The following CTTNBP2NL variants were observed in gnomAD, a reference collection of about 807,000 sequenced individuals.
CTTNBP2NL encodes the protein CTTNBP2 N-terminal like.
A neutral mutation model predicts 32.5 loss-of-function variants in CTTNBP2NL; 16 were observed. The observed-to-expected ratio is 0.49, with a 90% CI of 0.33 to 0.75. CTTNBP2NL has a LOEUF of 0.75. CTTNBP2NL is among the 30% of genes least tolerant of loss of function. The pLI, the probability that CTTNBP2NL is intolerant of heterozygous loss-of-function variation, is 0.02. For synonymous variants in CTTNBP2NL, 298 were observed against 289.4 expected (o/e 1.03, Z -0.30); for missense variants, 645 against 756.0 (o/e 0.85, Z 1.72).
At chr1:112,444,633 G>T (rs1649984327) in intron 3 of CTTNBP2NL, among the ~76,000 whole-genome samples, 1 of 152,000 alleles carries the variant, frequency 6.6e-6, no homozygotes, top group African/African-American at 2.4e-5. Flanking sequence ...TGTGTGTGTT[G>T]TTATTGAATT....
chr1:112,440,013 C>G (rs1649851820), intron 3 of CTTNBP2NL, among the ~76,000 whole-genome samples: 1 of 152,178 alleles, frequency 6.6e-6, no homozygotes, highest in African/African-American at 2.4e-5. Flanking sequence ...ACTTGTCTAG[C>G]AAATTTTAAG....
upstream of CTTNBP2NL, among the ~76,000 whole-genome samples, chr1:112,392,826 A>C (rs1648216770): frequency 6.7e-6 from 1 of 148,864 alleles, no homozygotes; most frequent in Admixed American, 6.6e-5. Context: ...CCCCAGAAGG[A>C]GCCAACCTTG....
At chr1:112,430,818 C>T (rs1252382562) in intron 3 of CTTNBP2NL, among the ~76,000 whole-genome samples, 1 of 151,468 alleles carries the variant, frequency 6.6e-6, no homozygotes, top group Non-Finnish European at 1.5e-5. Flanking sequence ...CTCTTGACCT[C>T]GTGATCTGCC....
intron 3 of CTTNBP2NL, among the ~76,000 whole-genome samples, chr1:112,440,124 A>T (rs1198938296): frequency 6.6e-6 from 1 of 152,210 alleles, no homozygotes; most frequent in Non-Finnish European, 1.5e-5. Context: ...AACATTAAGT[A>T]TTCAAACCAT....
chr1:112,423,236 T>C (rs1649280768), intron 3 of CTTNBP2NL, among the ~76,000 whole-genome samples: 1 of 152,174 alleles, frequency 6.6e-6, no homozygotes, highest in Non-Finnish European at 1.5e-5. Context: ...CTTGCAAATA[T>C]TTTCTCCCAG....
chr1:112,457,204 T>C lies in CTTNBP2NL; in HGVS notation c.1712T>C (p.Ile571Thr), dbSNP rs759842819. ...TCTCCAGGAATCAAGTCCCCAACCATCCCCAGAGCTGAGAGAGGAAACCCT... is the reference window on the plus strand; with the variant it reads ...TCTCCAGGAATCAAGTCCCCAACCACCCCCAGAGCTGAGAGAGGAAACCCT... The part of the protein sequence containing the change: ...PLSPGIKSPT[I>T]PRAERGNPPP... Residue 571 changes from isoleucine (I) to threonine (T), a missense_variant, in exon 6 of 6, where the codon ATC becomes ACC. Ile to Thr is a moderately conservative substitution (Grantham distance 89). Coordinates refer to ENST00000271277, the MANE Select transcript of CTTNBP2NL (RefSeq NM_018704.3). The C allele has an allele frequency of 1.2e-6, 2 of 1,613,904 alleles. No homozygotes were observed. The highest frequency in any genetic ancestry group is 1.7e-6 in the Non-Finnish European group (2 of 1,179,966).
intron 3 of CTTNBP2NL, among the ~76,000 whole-genome samples, chr1:112,448,572 G>C (rs190444886): frequency 6.6e-6 from 1 of 152,052 alleles, no homozygotes; most frequent in Admixed American, 6.6e-5. Context: ...CACAGACTTC[G>C]GGGCCAGGTT....
At chr1:112,392,579 G>T (rs910985573), upstream of CTTNBP2NL, among the ~76,000 whole-genome samples, 5 of 152,102 alleles carry the variant, frequency 3.3e-5, no homozygotes, top group Non-Finnish European at 7.4e-5. Flanking sequence ...TAGAAATAGG[G>T]TCTTTGCAGA....
chr1:112,447,272 TAAAAAAAAAA>T (rs35522134), intron 3 of CTTNBP2NL, among the ~76,000 whole-genome samples: 27 of 69,698 alleles, frequency 3.9e-4, no homozygotes, highest in African/African-American at 1.4e-3. Context: ...AGACTCCATC[TAAAAAAAAAA>T]AAAAAAAAAA....
upstream of CTTNBP2NL, among the ~76,000 whole-genome samples, chr1:112,395,771 A>G (rs1430015688): frequency 6.6e-6 from 1 of 152,184 alleles, no homozygotes; most frequent in Non-Finnish European, 1.5e-5. Flanking sequence ...GTTTTTCAAC[A>G]ACGAATTCAT....
Position 112,446,369 on chromosome 1 carries a change from C to T in CTTNBP2NL, c.100-2573C>T, listed in dbSNP as rs761111889. Among the ~76,000 whole-genome samples the T allele has an allele frequency of 1.9e-4, 28 of 146,906 alleles. 1 individual carries two copies. Among genetic ancestry groups the T allele is most frequent in the Admixed American group, 4.1e-4 (6 of 14,812 alleles). On this transcript the variant is annotated intron_variant, in intron 3 of 5. Coordinates refer to ENST00000271277, the MANE Select transcript of CTTNBP2NL (RefSeq NM_018704.3). ...TGACAGAGCCAGACCCTGTCTCAAACAAAAAAGAAAAAAGAAAAAAAAAAT... is the reference window on the plus strand; with the variant it reads ...TGACAGAGCCAGACCCTGTCTCAAATAAAAAAGAAAAAAGAAAAAAAAAAT...
At chr1:112,447,179 CAGG>C (rs1320092560) in intron 3 of CTTNBP2NL, among the ~76,000 whole-genome samples, 2 of 147,478 alleles carry the variant, frequency 1.4e-5, no homozygotes, top group African/African-American at 5.0e-5. Context: ...GAGGCTGAGG[CAGG>C]AGAATGGCGT....
chr1:112,412,378 C>G (rs1648898101), intron 2 of CTTNBP2NL, 61 bp downstream of exon 2: 1 of 152,070 alleles, frequency 6.6e-6, no homozygotes, highest in East Asian at 1.9e-4. Flanking sequence ...TGCAATTTTA[C>G]TGTCATTCTT....
chr1:112,391,173 G>A, the CTTNBP2NL span, among the ~76,000 whole-genome samples: 1 of 152,198 alleles, frequency 6.6e-6, no homozygotes, highest in Non-Finnish European at 1.5e-5. Flanking sequence ...GAAATGCAGG[G>A]GGCAGTGGAG....
rs1337289792 is a variant in CTTNBP2NL at position 112,458,889 on chromosome 1, C to T, written c.*1477C>T. The T allele has an allele frequency of 6.6e-6, 1 of 152,154 alleles. No individual in the cohort carries two copies. The highest frequency in any genetic ancestry group is 6.6e-5 in the Admixed American group (1 of 15,264). 9.4% of individuals were successfully genotyped at this position (152,154 alleles called of 1,614,324 possible). On this transcript the variant is annotated 3_prime_UTR_variant, in exon 6 of 6. Coordinates refer to ENST00000271277, the MANE Select transcript of CTTNBP2NL (RefSeq NM_018704.3). ...TCATATAAATGAGTGAAACAGGCCT[C>T]TCACACAAGCGATGTAAAACAGCTG...
chr1:112,438,863 C>G (rs1197363541), intron 3 of CTTNBP2NL, among the ~76,000 whole-genome samples: 2 of 152,172 alleles, frequency 1.3e-5, no homozygotes, highest in Admixed American at 6.6e-5. Flanking sequence ...TCACTAAACA[C>G]CCTGCAATGC....
At chr1:112,446,732 T>C (rs1408611043) in intron 3 of CTTNBP2NL, among the ~76,000 whole-genome samples, 1 of 152,126 alleles carries the variant, frequency 6.6e-6, no homozygotes, top group Non-Finnish European at 1.5e-5. Context: ...TTGTTTTTTG[T>C]AGAGACAAGG....
intron 4 of CTTNBP2NL, among the ~76,000 whole-genome samples, chr1:112,454,067 A>G (rs1650299404): frequency 6.6e-6 from 1 of 152,196 alleles, no homozygotes; most frequent in South Asian, 2.1e-4. Flanking sequence ...CTCAGCTTTC[A>G]GGTTTCTGTG....
intron 4 of CTTNBP2NL, among the ~76,000 whole-genome samples, chr1:112,449,668 A>C (rs1386108719): frequency 6.6e-6 from 1 of 152,136 alleles, no homozygotes. Flanking sequence ...GTTGCTCATG[A>C]AACCATAAAC....
Sources: allele counts gnomAD v4.1 joint callset (sites outside exome capture counted in the v4.1 genomes callset), GRCh38; gene constraint gnomAD v4.1.1; transcripts MANE v1.5; gene names NCBI Gene and HGNC (gene_info 2026-07-23, HGNC 2026-07-21).